Variants in FEZ1 observed in about 807,000 individuals in gnomAD.
The protein encoded by FEZ1 is fasciculation and elongation protein zeta-1.
A neutral mutation model predicts 49.3 loss-of-function variants in FEZ1; 20 were observed. That is an observed-to-expected ratio of 0.41 (90% CI 0.29 to 0.59). The LOEUF (loss-of-function observed/expected upper bound fraction) is 0.59. Among genes scored for constraint, FEZ1 ranks in the 20% least tolerant of loss-of-function variants. The pLI, the probability that FEZ1 is intolerant of heterozygous loss-of-function variation, is 0.36. For missense variants in FEZ1, 413 were observed against 476.0 expected (o/e 0.87, Z 1.23); for synonymous variants, 170 against 180.9 (o/e 0.94, Z 0.48).
At chr11:125,478,350 G>A (rs751001125) in intron 3 of FEZ1, among the ~76,000 whole-genome samples, 1 of 152,160 alleles carries the variant, frequency 6.6e-6, no homozygotes, top group Non-Finnish European at 1.5e-5. Flanking sequence ...ACTGAGGCAG[G>A]AGAATTGCTT....
chr11:125,456,072 C>G lies in FEZ1; in HGVS notation c.702G>C (p.Glu234Asp). 6.2e-7 allele frequency: 1 copy of G among 1,608,890 alleles called. No homozygotes were observed. Among genetic ancestry groups the G allele is most frequent in the African/African-American group, 1.3e-5 (1 of 74,824 alleles). ...LRHMSGSELT[E>D]LLDQVEGAIR... ...TGGCACCCTCCACCTGGTCCAGCAGCTCGGTCAGCTCAGACCCAGACATGT... is the reference window on the plus strand; with the variant it reads ...TGGCACCCTCCACCTGGTCCAGCAGGTCGGTCAGCTCAGACCCAGACATGT... The change falls in exon 6 of 10, where the codon GAG becomes GAC. Residue 234 changes from glutamate to aspartate, a missense_variant. Glu to Asp is a conservative substitution (Grantham distance 45). Transcript: ENST00000278919.
chr11:125,444,154 G>T lies in FEZ1; in HGVS notation c.*1941C>A, dbSNP rs1956876317. ...GAGTTGTCACTTCCATGCTCCTGTG[G>T]CAGCCGGGGCTCTATCTATGGAGAA... On this transcript the variant is annotated 3_prime_UTR_variant, in exon 10 of 10. Transcript: ENST00000278919. Among the ~76,000 whole-genome samples the T allele has an allele frequency of 6.6e-6, 1 of 152,070 alleles. No homozygotes were observed. The highest frequency in any genetic ancestry group is 2.1e-4 in the South Asian group (1 of 4,828).
At chr11:125,451,734 T>C (rs988135597) in intron 8 of FEZ1, among the ~76,000 whole-genome samples, 1 of 152,250 alleles carries the variant, frequency 6.6e-6, no homozygotes, top group Non-Finnish European at 1.5e-5. Context: ...AAACAGTTAC[T>C]GTCTACAAAA....
intron 7 of FEZ1, 88 bp from the exon 8 acceptor site, chr11:125,452,497 G>A (rs1451317580): frequency 3.7e-6 from 3 of 807,058 alleles, no homozygotes; most frequent in Non-Finnish European, 6.4e-6. Context: ...GACACACACT[G>A]CAAATCTGAC....
rs953547510 is a variant in FEZ1 at position 125,444,270 on chromosome 11, T to C, written c.*1825A>G. Among the ~76,000 whole-genome samples the C allele has an allele frequency of 1.3e-5, 2 of 152,156 alleles. No individual in the cohort carries two copies. The highest frequency in any genetic ancestry group is 2.4e-5 in the African/African-American group (1 of 41,430). ...AGTCTCCGCCACCCCTAGCTAAGAT[T>C]GCTAGTGTTCTGCTTCTGGAAAAGC... is the stretch of plus-strand genomic sequence containing the variant. On this transcript the variant is annotated 3_prime_UTR_variant, in exon 10 of 10. Coordinates refer to ENST00000278919, the MANE Select transcript of FEZ1 (RefSeq NM_005103.5).
At chr11:125,465,963 A>G (rs191359655) in intron 3 of FEZ1, among the ~76,000 whole-genome samples, 168 of 152,326 alleles carry the variant, frequency 1.1e-3, no homozygotes, top group African/African-American at 3.9e-3. Context: ...TATCTTGTGC[A>G]CAGGGTGGAG....
At position 125,454,219 on chromosome 11, in the gene FEZ1, G is replaced by C; in HGVS notation, c.940-9C>G. The C allele has an allele frequency of 1.2e-6, 2 of 1,610,728 alleles. No individual in the cohort carries two copies. The highest frequency in any genetic ancestry group is 1.7e-6 in the Non-Finnish European group (2 of 1,177,636). On this transcript the variant is annotated splice_polypyrimidine_tract_variant and intron_variant, in intron 6 of 9. Transcript: ENST00000278919. ...CCTTCCATGCTGAAGCGCTGTGGGGGAGAGAGACTCAAGAAGGGCAAATGC... is the reference window on the plus strand; with the variant it reads ...CCTTCCATGCTGAAGCGCTGTGGGGCAGAGAGACTCAAGAAGGGCAAATGC...
intron 3 of FEZ1, among the ~76,000 whole-genome samples, chr11:125,464,774 A>C (rs1012938736): frequency 6.6e-6 from 1 of 152,212 alleles, no homozygotes; most frequent in Non-Finnish European, 1.5e-5. Context: ...TCCGCACTCA[A>C]CCTAGATATG....
At chr11:125,493,421 AGAAGGAAAGAAGGAAAGAAGGAAAGAAG>A (rs1565306974) in intron 1 of FEZ1, among the ~76,000 whole-genome samples, 20 of 36,614 alleles carry the variant, frequency 5.5e-4, no homozygotes, top group African/African-American at 1.4e-3. Flanking sequence ...AAAGAAAGAA[AGAAGGAAAGAAGGAAAGAAGGAAAGAAG>A]GAAAGAAGGA....
chr11:125,483,191 C>T (rs1957299970), intron 2 of FEZ1, among the ~76,000 whole-genome samples: 1 of 151,878 alleles, frequency 6.6e-6, no homozygotes, highest in African/African-American at 2.4e-5. Flanking sequence ...AAACAAAATG[C>T]CCATATATCA....
intron 2 of FEZ1, among the ~76,000 whole-genome samples, chr11:125,485,673 C>T (rs899073832): frequency 1.1e-4 from 17 of 152,008 alleles, no homozygotes; most frequent in Non-Finnish European, 2.2e-4. Context: ...TGGTGGCTCA[C>T]GCCTGTAATC....
Position 125,452,323 on chromosome 11 carries a change from G to C in FEZ1, c.1096+11C>G, listed in dbSNP as rs757376190. The C allele has an allele frequency of 2.1e-5, 34 of 1,582,366 alleles. No individual in the cohort carries two copies. The highest frequency in any genetic ancestry group is 2.9e-5 in the Non-Finnish European group (33 of 1,150,988). ...GAGCCACTGATCTGGCTGAGAACAA[G>C]AGGAACTCACTGTTTGTCAGCATCT... On this transcript the variant is annotated intron_variant, in intron 8 of 9. Transcript: ENST00000278919.
At chr11:125,456,857 C>T (rs558077107) in intron 5 of FEZ1, among the ~76,000 whole-genome samples, 69 of 152,254 alleles carry the variant, frequency 4.5e-4, no homozygotes, top group Middle Eastern at 3.4e-3. Flanking sequence ...TGAGATTATA[C>T]TTGTATACAG....
chr11:125,455,782 G>A lies in FEZ1; in HGVS notation c.939+53C>T, dbSNP rs144983982. On this transcript the variant is annotated intron_variant, in intron 6 of 9. Coordinates refer to ENST00000278919, the MANE Select transcript of FEZ1 (RefSeq NM_005103.5). Reference sequence around the variant, plus strand: ...TGCAGGGTTGGTAGGGCACTGAAACGGGCAGGGTTGGAGGTTGGAGGCACC... The same window carrying A: ...TGCAGGGTTGGTAGGGCACTGAAACAGGCAGGGTTGGAGGTTGGAGGCACC... The A allele has an allele frequency of 8.2e-5, 130 of 1,593,210 alleles. 1 individual carries two copies. Among genetic ancestry groups the A allele is most frequent in the South Asian group, 5.7e-4 (52 of 90,520 alleles).
At chr11:125,467,637 G>C (rs575604704) in intron 3 of FEZ1, among the ~76,000 whole-genome samples, 1 of 152,102 alleles carries the variant, frequency 6.6e-6, no homozygotes, top group Non-Finnish European at 1.5e-5. Context: ...GGTCACTTGA[G>C]CCCAGCCTGG....
chr11:125,452,521 T>C (rs1383966485), intron 7 of FEZ1, 112 bp from the exon 8 acceptor site: 1 of 685,730 alleles, frequency 1.5e-6, no homozygotes, highest in African/African-American at 1.8e-5. Context: ...CTCTGAAACA[T>C]TCATGGTCAC....
chr11:125,465,335 T>G (rs1957117309), intron 3 of FEZ1, among the ~76,000 whole-genome samples: 1 of 152,074 alleles, frequency 6.6e-6, no homozygotes, highest in Non-Finnish European at 1.5e-5. Flanking sequence ...CTATATCATC[T>G]CCTCCCTCCC....
chr11:125,473,405 G>A (rs908581462), intron 3 of FEZ1, among the ~76,000 whole-genome samples: 1 of 152,214 alleles, frequency 6.6e-6, no homozygotes, highest in African/African-American at 2.4e-5. Context: ...CAGCAATTGG[G>A]GAGGCTGAAG....
chr11:125,464,002 G>A (rs1957099925), intron 3 of FEZ1, among the ~76,000 whole-genome samples: 1 of 152,114 alleles, frequency 6.6e-6, no homozygotes, highest in Admixed American at 6.6e-5. Flanking sequence ...CGTCTTACTA[G>A]GCATTTTAAG....
Sources: gnomAD v4.1 joint callset for allele counts (sites outside exome capture counted in the v4.1 genomes callset) on GRCh38, gnomAD v4.1.1 for gene constraint, MANE v1.5 for transcripts, NCBI Gene and HGNC (gene_info 2026-07-23, HGNC 2026-07-21) for gene names.